The following ANKRD50 variants were observed in gnomAD, a reference collection of about 807,000 sequenced individuals.
ANKRD50 encodes the protein ankyrin repeat domain-containing protein 50.
In ANKRD50, 40 loss-of-function variants were observed where a neutral mutation model predicts 112.0. The observed-to-expected ratio is 0.36, with a 90% CI of 0.28 to 0.46. The LOEUF (loss-of-function observed/expected upper bound fraction) is 0.46. Ranked by LOEUF, ANKRD50 falls within the 20% of genes least tolerant of loss-of-function variation. ANKRD50 has a pLI of 1.00. For missense variants in ANKRD50, 1,487 were observed against 1,701.7 expected (o/e 0.87, Z 2.22); for synonymous variants, 613 against 619.1 (o/e 0.99, Z 0.15).
Position 124,671,500 on chromosome 4 carries a change from C to T in ANKRD50, c.1777G>A (p.Val593Met). The change falls in exon 4 of 5, where the codon GTG becomes ATG. Residue 593 changes from valine (V) to methionine (M), a missense_variant. By Grantham distance (21) the Val-to-Met change is conservative. Transcript: ENST00000504087. Reference sequence around the variant, plus strand: ...CCACACCCAATCAAACAATTAACCACCTTGGTATGTCCCTGTCTAGCCGCT... The same window carrying T: ...CCACACCCAATCAAACAATTAACCATCTTGGTATGTCCCTGTCTAGCCGCT... ...TLAARQGHTK[V>M]VNCLIGCGAN... is the part of the protein sequence containing the mutation. 2 of 1,613,760 alleles carry T rather than the reference C, an allele frequency of 1.2e-6. No homozygotes were observed. Among genetic ancestry groups the T allele is most frequent in the Non-Finnish European group, 1.7e-6 (2 of 1,179,810 alleles).
intron 3 of ANKRD50, among the ~76,000 whole-genome samples, chr4:124,676,805 AC>A (rs2110511819): frequency 6.6e-6 from 1 of 151,874 alleles, no homozygotes; most frequent in East Asian, 1.9e-4. Flanking sequence ...AATATCAAAT[AC>A]AAGCCCTGAA....
intron 2 of ANKRD50, among the ~76,000 whole-genome samples, chr4:124,706,620 A>AT (rs1462452491): frequency 2.6e-5 from 4 of 152,094 alleles, no homozygotes; most frequent in African/African-American, 4.8e-5. Flanking sequence ...AATAACTGAG[A>AT]TTTTTTCATT....
chr4:124,685,575 A>T (rs1724987349), intron 2 of ANKRD50, among the ~76,000 whole-genome samples: 1 of 152,120 alleles, frequency 6.6e-6, no homozygotes, highest in Non-Finnish European at 1.5e-5. Flanking sequence ...ATATACATGT[A>T]TATTATTATT....
chr4:124,675,807 C>A (rs1258435460), intron 3 of ANKRD50, among the ~76,000 whole-genome samples: 1 of 151,700 alleles, frequency 6.6e-6, no homozygotes, highest in Admixed American at 6.6e-5. Flanking sequence ...CAAGGCCTAA[C>A]AATGATCAGC....
intron 2 of ANKRD50, among the ~76,000 whole-genome samples, chr4:124,689,361 C>T (rs1725080325): frequency 6.6e-6 from 1 of 152,094 alleles, no homozygotes; most frequent in African/African-American, 2.4e-5. Flanking sequence ...CTCCTAGGTG[C>T]TTGTGATGGT....
At chr4:124,706,532 C>A (rs1179850714) in intron 2 of ANKRD50, among the ~76,000 whole-genome samples, 1 of 151,968 alleles carries the variant, frequency 6.6e-6, no homozygotes, top group African/African-American at 2.4e-5. Flanking sequence ...AAGAAGCAAA[C>A]TGAAGAAAAG....
intron 3 of ANKRD50, among the ~76,000 whole-genome samples, chr4:124,677,350 T>A (rs916692251): frequency 6.6e-6 from 1 of 151,784 alleles, no homozygotes; most frequent in African/African-American, 2.4e-5. Context: ...GAAGCATTTT[T>A]TGTAACAGCA....
In ANKRD50 at chr4:124,672,096, T is replaced by G. The variant is rs1161741237; in HGVS notation, c.1181A>C (p.Lys394Thr). The change falls in exon 4 of 5, where the codon AAA becomes ACA. Residue 394 changes from lysine (K) to threonine (T), a missense_variant. By Grantham distance (78) the Lys-to-Thr change is moderately conservative. Coordinates refer to ENST00000504087, the MANE Select transcript of ANKRD50 (RefSeq NM_020337.3). Reference sequence around the variant, plus strand: ...ATTTCCTAGTCCATCAACAAGAAGTTTGGAGAGGATATCTAACTTGCGTTG... The same window carrying G: ...ATTTCCTAGTCCATCAACAAGAAGTGTGGAGAGGATATCTAACTTGCGTTG... ...DFQRKLDILS[K>T]LLVDGLGNTK... 6.2e-7 allele frequency: 1 copy of G among 1,613,784 alleles called. No individual in the cohort carries two copies. Among genetic ancestry groups the G allele is most frequent in the African/African-American group, 1.3e-5 (1 of 74,882 alleles).
chr4:124,695,012 G>A (rs1281568897), intron 2 of ANKRD50, among the ~76,000 whole-genome samples: 2 of 151,794 alleles, frequency 1.3e-5, no homozygotes, highest in Admixed American at 6.6e-5. Context: ...AAAATGTATA[G>A]GTATAAAGTT....
At chr4:124,680,984 C>T (rs937377705) in intron 2 of ANKRD50, among the ~76,000 whole-genome samples, 4 of 152,032 alleles carry the variant, frequency 2.6e-5, no homozygotes, top group African/African-American at 9.7e-5. Context: ...AAATTGTGGG[C>T]TTTGCTCTAA....
At chr4:124,681,517 A>C (rs1347599918) in intron 2 of ANKRD50, among the ~76,000 whole-genome samples, 1 of 152,120 alleles carries the variant, frequency 6.6e-6, no homozygotes, top group African/African-American at 2.4e-5. Context: ...TGGGCACATC[A>C]TAGTGGGGGT....
At chr4:124,677,110 T>C (rs1010663536) in intron 3 of ANKRD50, among the ~76,000 whole-genome samples, 1 of 151,772 alleles carries the variant, frequency 6.6e-6, no homozygotes, top group Non-Finnish European at 1.5e-5. Flanking sequence ...TTAATAACTT[T>C]AGCAATATCC....
intron 2 of ANKRD50, among the ~76,000 whole-genome samples, chr4:124,686,155 T>C (rs1300737018): frequency 6.6e-6 from 1 of 152,166 alleles, no homozygotes; most frequent in Non-Finnish European, 1.5e-5. Flanking sequence ...ATAAATAAAT[T>C]ATAAGGAATA....
chr4:124,697,339 T>C (rs1364320105), intron 2 of ANKRD50, among the ~76,000 whole-genome samples: 4 of 152,078 alleles, frequency 2.6e-5, no homozygotes, highest in East Asian at 1.9e-4. Context: ...AAATCAAAGG[T>C]TGGTGCTATG....
intron 2 of ANKRD50, among the ~76,000 whole-genome samples, chr4:124,701,955 C>A (rs367552275): frequency 6.6e-6 from 1 of 152,068 alleles, no homozygotes. Flanking sequence ...AAAAATCAAA[C>A]CCTCAACATG....
rs1725609522 is a variant in ANKRD50 at position 124,710,661 on chromosome 4, CAGA to C, written c.-153_-151del. The C allele has an allele frequency of 3.4e-5, 31 of 912,488 alleles. No homozygotes were observed. The South Asian group carries it at 4.9e-4, about 14-fold the overall frequency. The allele number at this position is 912,488 out of a possible 1,614,324, so 56.5% of individuals were successfully genotyped here. ...AACAGCCACAGAGTTCCTCTGTCAA[CAGA>C]ACGTGCATGACTTTATTTGGTTCCT... is the stretch of plus-strand genomic sequence containing the variant. On this transcript the variant is annotated 5_prime_UTR_variant, in exon 2 of 5. Coordinates refer to ENST00000504087, the MANE Select transcript of ANKRD50 (RefSeq NM_020337.3).
intron 2 of ANKRD50, among the ~76,000 whole-genome samples, chr4:124,681,136 G>A (rs746736326): frequency 7.9e-5 from 12 of 151,824 alleles, no homozygotes; most frequent in Non-Finnish European, 1.5e-4. Flanking sequence ...TGAGGCCAAT[G>A]CTTAGAACTT....
intron 2 of ANKRD50, among the ~76,000 whole-genome samples, chr4:124,702,632 C>A (rs1347887346): frequency 6.6e-6 from 1 of 152,110 alleles, no homozygotes; most frequent in Non-Finnish European, 1.5e-5. Flanking sequence ...ATTATAGAAC[C>A]TAGATAAGGA....
rs199500950 is a variant in ANKRD50, at chr4:124,669,227, T to C, written c.4050A>G (p.Gln1350=). Residue 1350 remains glutamine, a synonymous_variant, in exon 4 of 5, where the codon CAA becomes CAG. Transcript: ENST00000504087. ...GRSQQQFLIH[Q]QSGEQKKRNG... is the part of the protein sequence containing the mutation. ...TTCTCTTCTTCTGTTCCCCACTTTG[T>C]TGGTGAATAAGAAACTGCTGTTGAG... 1.5e-5 allele frequency: 25 copies of C among 1,613,728 alleles called. No homozygotes were observed. The East Asian group carries it at 4.0e-4, about 26-fold the overall frequency.
Sources: allele counts gnomAD v4.1 joint callset (sites outside exome capture counted in the v4.1 genomes callset), GRCh38; gene constraint gnomAD v4.1.1; transcripts MANE v1.5; gene names NCBI Gene and HGNC (gene_info 2026-07-23, HGNC 2026-07-21).